PRKG1: variants seen among roughly 807,000 people sequenced by gnomAD.
The protein encoded by PRKG1 is protein kinase cGMP-dependent 1.
Under a neutral mutation model 88.1 loss-of-function variants are expected in PRKG1, and 35 were observed. That is an observed-to-expected ratio of 0.40 (90% CI 0.30 to 0.53). PRKG1 has a LOEUF of 0.53. Among genes scored for constraint, PRKG1 ranks in the 20% least tolerant of loss-of-function variants. The pLI, the probability that PRKG1 is intolerant of heterozygous loss-of-function variation, is 0.59. For missense variants in PRKG1, 540 were observed against 839.8 expected, an observed-to-expected ratio of 0.64 and a Z score of 4.41; for synonymous variants, 303 against 292.5, an observed-to-expected ratio of 1.04 and a Z score of -0.37.
chr10:51,165,830 A>T (rs1469685801), intron 2 of PRKG1, among the ~76,000 whole-genome samples: 1 of 152,148 alleles, frequency 6.6e-6, no homozygotes, highest in Admixed American at 6.5e-5. Flanking sequence ...TGTGTATAAA[A>T]TTTTCCTTTT....
chr10:51,299,067 G>A (rs950161199), intron 2 of PRKG1, among the ~76,000 whole-genome samples: 1 of 152,140 alleles, frequency 6.6e-6, no homozygotes, highest in South Asian at 2.1e-4. Context: ...GCCTTTAAAT[G>A]AGCCCTTTGC....
At chr10:52,050,937 G>T (rs1845973787) in intron 5 of PRKG1, among the ~76,000 whole-genome samples, 1 of 152,120 alleles carries the variant, frequency 6.6e-6, no homozygotes, top group Non-Finnish European at 1.5e-5. Flanking sequence ...AATTAGCAAT[G>T]TCTGGAGATA....
intron 3 of PRKG1, among the ~76,000 whole-genome samples, chr10:51,593,964 A>G (rs2132213301): frequency 6.6e-6 from 1 of 152,146 alleles, no homozygotes; most frequent in Admixed American, 6.5e-5. Flanking sequence ...ACCTCAGGTA[A>G]TCTACCCGCC....
chr10:52,204,447 A>G (rs1239485244), intron 9 of PRKG1, among the ~76,000 whole-genome samples: 2 of 152,152 alleles, frequency 1.3e-5, no homozygotes, highest in African/African-American at 2.4e-5. Flanking sequence ...GTGGGAAGTC[A>G]GGGACCCCGA....
At chr10:51,660,514 G>A (rs1315416944) in intron 3 of PRKG1, among the ~76,000 whole-genome samples, 2 of 151,884 alleles carry the variant, frequency 1.3e-5, no homozygotes, top group Non-Finnish European at 2.9e-5. Flanking sequence ...CATCCTAGCA[G>A]TATTTTCAAG....
chr10:51,760,825 G>A (rs1169461467), intron 3 of PRKG1, among the ~76,000 whole-genome samples: 10 of 152,140 alleles, frequency 6.6e-5, no homozygotes, highest in Non-Finnish European at 4.4e-5. Flanking sequence ...TTGAAAAGAG[G>A]ATCAACAGGC....
In PRKG1 at chr10:52,055,664, TTATA is replaced by T. The variant is rs573142146; in HGVS notation, c.840+1107_840+1110del. On this transcript the variant is annotated intron_variant, in intron 6 of 17. Transcript: ENST00000373980. The stretch of plus-strand genomic sequence containing the variant: ...TATGATTTAAACTTATGTTTCTTTA[TTATA>T]TATCATTACAAGGAATTCATATCTC... Among the ~76,000 whole-genome samples, 334 of 152,318 alleles carry T rather than the reference TTATA, an allele frequency of 2.2e-3. 2 individuals carry two copies. Among genetic ancestry groups the T allele is most frequent in the African/African-American group, 7.6e-3 (318 of 41,582 alleles).
intron 3 of PRKG1, among the ~76,000 whole-genome samples, chr10:51,542,042 G>GTAAC (rs1842316948): frequency 6.6e-6 from 1 of 151,980 alleles, no homozygotes; most frequent in Admixed American, 6.6e-5. Context: ...CTCTTCATTA[G>GTAAC]TAACTACAGG....
At chr10:52,171,509 T>C (rs996046913) in intron 9 of PRKG1, among the ~76,000 whole-genome samples, 7 of 152,290 alleles carry the variant, frequency 4.6e-5, no homozygotes, top group African/African-American at 1.7e-4. Context: ...ATTTCTGCAG[T>C]TGGCCCTGAA....
At chr10:51,511,043 C>T (rs538661600) in intron 3 of PRKG1, among the ~76,000 whole-genome samples, 10 of 151,880 alleles carry the variant, frequency 6.6e-5, no homozygotes, top group Admixed American at 2.0e-4. Context: ...TGAGCCGCTG[C>T]GCCTGGCCTG....
At chr10:51,399,925 C>T (rs1029428823) in intron 2 of PRKG1, among the ~76,000 whole-genome samples, 6 of 152,192 alleles carry the variant, frequency 3.9e-5, no homozygotes, top group African/African-American at 1.4e-4. Context: ...GCAGGATCCA[C>T]AGCGTAATTT....
chr10:52,063,735 C>T (rs1846291260), intron 7 of PRKG1, among the ~76,000 whole-genome samples: 1 of 152,142 alleles, frequency 6.6e-6, no homozygotes, highest in Non-Finnish European at 1.5e-5. Flanking sequence ...CAGCTCTTAG[C>T]AGAGAGGGTA....
intron 8 of PRKG1, among the ~76,000 whole-genome samples, chr10:52,146,955 A>G (rs994620029): frequency 1.3e-4 from 20 of 152,232 alleles, no homozygotes; most frequent in African/African-American, 4.3e-4. Flanking sequence ...GAATCAGCCC[A>G]AGGCATTAGT....
intron 1 of PRKG1, among the ~76,000 whole-genome samples, chr10:51,136,120 TAATAA>T (rs1049396134): frequency 2.6e-5 from 4 of 151,926 alleles, no homozygotes; most frequent in African/African-American, 7.3e-5. Flanking sequence ...AGTATAATAA[TAATAA>T]AATAAAAAAA....
chr10:51,140,493 G>A (rs944313119), intron 1 of PRKG1, among the ~76,000 whole-genome samples: 2 of 152,092 alleles, frequency 1.3e-5, no homozygotes, highest in African/African-American at 2.4e-5. Flanking sequence ...GTTAAGAGGG[G>A]GTCTGGGGTG....
intron 1 of PRKG1, among the ~76,000 whole-genome samples, chr10:51,030,202 G>GT (rs201620009): frequency 0.029 from 4,299 of 149,364 alleles, 78 homozygotes; most frequent in African/African-American, 0.043. Flanking sequence ...TATATTTACT[G>GT]TTTTTTTTCA....
chr10:51,697,400 T>C (rs1271952376), intron 3 of PRKG1: 1 of 334,024 alleles, frequency 3.0e-6, no homozygotes, highest in Admixed American at 4.5e-5. Flanking sequence ...GTAGTTAACA[T>C]ACTGTAGATG....
chr10:52,008,328 C>A (rs576255578), intron 5 of PRKG1, among the ~76,000 whole-genome samples: 12 of 151,868 alleles, frequency 7.9e-5, no homozygotes, highest in Non-Finnish European at 1.8e-4. Flanking sequence ...AATACATCAA[C>A]AGATGTAGGT....
intron 2 of PRKG1, among the ~76,000 whole-genome samples, chr10:51,240,374 C>T (rs1839119940): frequency 6.6e-6 from 1 of 152,130 alleles, no homozygotes; most frequent in African/African-American, 2.4e-5. Flanking sequence ...CTCTTTCTTA[C>T]CAATTTTGCC....
Sources: allele counts gnomAD v4.1 joint callset (sites outside exome capture counted in the v4.1 genomes callset), GRCh38; gene constraint gnomAD v4.1.1; transcripts MANE v1.5; gene names NCBI Gene and HGNC (gene_info 2026-07-23, HGNC 2026-07-21).